The following SLC1A3 variants were observed in gnomAD, a reference collection of about 807,000 sequenced individuals.
The protein encoded by SLC1A3 is solute carrier family 1 member 3, also known as excitatory amino acid transporter 1.
In SLC1A3, 21 loss-of-function variants were observed where a neutral mutation model predicts 48.1. The ratio of observed to expected loss-of-function variants is 0.44; its 90% CI spans 0.31 to 0.63. SLC1A3 has a LOEUF of 0.63. Among genes scored for constraint, SLC1A3 ranks in the 20% least tolerant of loss-of-function variants. The pLI, the probability that SLC1A3 is intolerant of heterozygous loss-of-function variation, is 0.08. For synonymous variants in SLC1A3, 239 were observed against 251.4 expected (o/e 0.95, Z 0.47); for missense variants, 546 against 689.0 (o/e 0.79, Z 2.32).
intron 3 of SLC1A3, among the ~76,000 whole-genome samples, chr5:36,664,098 G>C (rs2111897989): frequency 6.6e-6 from 1 of 152,276 alleles, no homozygotes; most frequent in East Asian, 1.9e-4. Context: ...TGGTAGGAAG[G>C]GAAGACAATA....
chr5:36,618,955 A>G (rs566014574), intron 2 of SLC1A3, among the ~76,000 whole-genome samples: 1 of 152,328 alleles, frequency 6.6e-6, no homozygotes, highest in Non-Finnish European at 1.5e-5. Context: ...GGAAGAAAGC[A>G]CCAGGCCTTT....
At position 36,679,701 on chromosome 5, in the gene SLC1A3, G is replaced by T. The variant is rs1742357064; in HGVS notation, c.935G>T (p.Gly312Val). ...VEMEDMGVIG[G>V]QLAMYTVTVI... ...ATGGAAGACATGGGTGTGATTGGGG[G>T]GCAGCTTGCCATGTACACCGTGACT... is the stretch of plus-strand genomic sequence containing the variant. The change falls in exon 7 of 10, where the codon GGG becomes GTG. Residue 312 changes from glycine (G) to valine (V), a missense_variant. This residue lies in a region of SLC1A3 where 348 missense variants were observed against 392.0 expected (regional missense o/e 0.89). Coordinates refer to ENST00000265113, the MANE Select transcript of SLC1A3 (RefSeq NM_004172.5). 1 of 1,614,116 alleles carries T rather than the reference G, an allele frequency of 6.2e-7. No homozygotes were observed. Among genetic ancestry groups the T allele is most frequent in the East Asian group, 2.2e-5 (1 of 44,878 alleles).
chr5:36,610,149 A>C (rs1284984976), intron 2 of SLC1A3, among the ~76,000 whole-genome samples: 1 of 152,164 alleles, frequency 6.6e-6, no homozygotes, highest in Non-Finnish European at 1.5e-5. Context: ...CTGGAAGTCA[A>C]ATTCAGTCTA....
Position 36,686,254 on chromosome 5 carries a change from T to C in SLC1A3, c.1614T>C (p.Ser538=). Reference sequence around the variant, plus strand: ...ATGAAACTGAGAAACCCATCGACAGTGAAACCAAGATGTAGACTAACATAA... The same window carrying C: ...ATGAAACTGAGAAACCCATCGACAGCGAAACCAAGATGTAGACTAACATAA... ...QDNETEKPID[S]ETKM Residue 538 remains serine, a synonymous_variant, in exon 10 of 10, where the codon AGT becomes AGC. Coordinates refer to ENST00000265113, the MANE Select transcript of SLC1A3 (RefSeq NM_004172.5). 1.9e-6 allele frequency: 3 copies of C among 1,612,874 alleles called. No individual in the cohort carries two copies. Among genetic ancestry groups the C allele is most frequent in the Non-Finnish European group, 2.5e-6 (3 of 1,178,800 alleles).
intron 2 of SLC1A3, among the ~76,000 whole-genome samples, chr5:36,611,208 C>T (rs1018590802): frequency 6.6e-6 from 1 of 151,056 alleles, no homozygotes; most frequent in African/African-American, 2.4e-5. Flanking sequence ...ATTATTTTCC[C>T]CCAAGATGAG....
rs1420650225 is a variant in SLC1A3, at chr5:36,679,652, C to T, written c.886C>T (p.Leu296=). ...GTATGCCCCCGTGGGTATTCTCTTC[C>T]TGATTGCTGGGAAGATTGTGGAGAT... ...MWYAPVGILF[L]IAGKIVEMED... is the part of the protein sequence containing the mutation. Residue 296 remains leucine (L), a synonymous_variant, in exon 7 of 10, where the codon CTG becomes TTG. Coordinates refer to ENST00000265113, the MANE Select transcript of SLC1A3 (RefSeq NM_004172.5). 1 of 1,613,986 alleles carries T rather than the reference C, an allele frequency of 6.2e-7. No individual in the cohort carries two copies. The highest frequency in any genetic ancestry group is 2.2e-5 in the East Asian group (1 of 44,888).
chr5:36,620,525 CACAGA>C (rs1739620606), intron 2 of SLC1A3, among the ~76,000 whole-genome samples: 1 of 152,198 alleles, frequency 6.6e-6, no homozygotes, highest in Admixed American at 6.5e-5. Flanking sequence ...TACTGGGGAG[CACAGA>C]ACAGAGAGAT....
At chr5:36,666,599 A>C (rs985655589) in intron 3 of SLC1A3, 2 of 152,238 alleles carry the variant, frequency 1.3e-5, no homozygotes, top group African/African-American at 4.8e-5. Context: ...AGGGGAGTAC[A>C]CTGATACATG....
At chr5:36,667,931 C>G (rs1292405123) in intron 3 of SLC1A3, 1 of 152,200 alleles carries the variant, frequency 6.6e-6, no homozygotes, top group African/African-American at 2.4e-5. Flanking sequence ...AGATCATTAT[C>G]TTTACCACTT....
chr5:36,666,557 T>G (rs1301006878), intron 3 of SLC1A3: 3 of 152,178 alleles, frequency 2.0e-5, no homozygotes, highest in African/African-American at 7.2e-5. Flanking sequence ...TCTCTAGATT[T>G]TGTGTTTCAA....
chr5:36,639,684 C>T (rs913318347), intron 3 of SLC1A3, among the ~76,000 whole-genome samples: 7 of 152,244 alleles, frequency 4.6e-5, no homozygotes, highest in African/African-American at 1.7e-4. Flanking sequence ...TTTTCTCCTA[C>T]TCCTTCAGAA....
At chr5:36,686,015 G>A in intron 9 of SLC1A3, 50 bp from the exon 10 acceptor site, 1 of 1,491,370 alleles carries the variant, frequency 6.7e-7, no homozygotes, top group Non-Finnish European at 9.4e-7. Flanking sequence ...TTGAAAACTT[G>A]TGATGCTCAC....
chr5:36,604,348 A>AT (rs398108827), upstream of SLC1A3, among the ~76,000 whole-genome samples: 1 of 151,944 alleles, frequency 6.6e-6, no homozygotes, highest in African/African-American at 2.4e-5. Flanking sequence ...GGAAAAAAAA[A>AT]GATGTTTTAA....
At chr5:36,608,668 G>A (rs534512944) in intron 2 of SLC1A3, 64 bp downstream of exon 2, 20 of 1,599,206 alleles carry the variant, frequency 1.3e-5, no homozygotes, top group Middle Eastern at 1.7e-4. Context: ...CTGGCTGCCC[G>A]GGGAATATTA....
chr5:36,599,047 A>G (rs1216258206), intron 1 of SLC1A3, among the ~76,000 whole-genome samples: 1 of 152,236 alleles, frequency 6.6e-6, no homozygotes, highest in African/African-American at 2.4e-5. Flanking sequence ...AGTTTTCAAA[A>G]TCTAATGTAT....
intron 4 of SLC1A3, among the ~76,000 whole-genome samples, chr5:36,672,572 A>T (rs1472974036): frequency 6.6e-6 from 1 of 152,172 alleles, no homozygotes; most frequent in Non-Finnish European, 1.5e-5. Flanking sequence ...TTCTGAAGGA[A>T]ATTCCTCTAT....
intron 3 of SLC1A3, among the ~76,000 whole-genome samples, chr5:36,658,818 T>G (rs1741388928): frequency 6.6e-6 from 1 of 152,150 alleles, no homozygotes; most frequent in African/African-American, 2.4e-5. Context: ...TGGTTGAGGT[T>G]TTTTTCTTTC....
upstream of SLC1A3, chr5:36,606,539 C>T (rs1738945927): frequency 6.6e-6 from 1 of 152,336 alleles, no homozygotes; most frequent in African/African-American, 2.4e-5. Context: ...CCATTCCCCA[C>T]TCCTCCTTTC....
chr5:36,620,303 T>C (rs1739610848), intron 2 of SLC1A3, among the ~76,000 whole-genome samples: 1 of 152,184 alleles, frequency 6.6e-6, no homozygotes, highest in Non-Finnish European at 1.5e-5. Context: ...TGCTCTCCCT[T>C]CTACTCAAAA....
Sources: gnomAD v4.1 joint callset for allele counts (sites outside exome capture counted in the v4.1 genomes callset) on GRCh38, gnomAD v4.1.1 for gene constraint, gnomAD v4.1.1 regional missense constraint, MANE v1.5 for transcripts, NCBI Gene and HGNC (gene_info 2026-07-23, HGNC 2026-07-21) for gene names.